Variants in LAMB1 observed in about 807,000 individuals in gnomAD.
The protein encoded by LAMB1 is laminin subunit beta-1.
A neutral mutation model predicts 222.3 loss-of-function variants in LAMB1; 121 were observed. The observed-to-expected ratio is 0.54, with a 90% CI of 0.47 to 0.63. LAMB1 has a LOEUF of 0.63. LAMB1 is among the 30% of genes least tolerant of loss of function. The pLI, the probability that LAMB1 is intolerant of heterozygous loss-of-function variation, is 0.00. For synonymous variants in LAMB1, 794 were observed against 807.2 expected, an observed-to-expected ratio of 0.98 and a Z score of 0.28; for missense variants, 2,172 against 2,240.8, an observed-to-expected ratio of 0.97 and a Z score of 0.62.
chr7:107,997,063 T>C (rs1275913668), intron 4 of LAMB1, among the ~76,000 whole-genome samples: 2 of 152,192 alleles, frequency 1.3e-5, no homozygotes, highest in African/African-American at 2.4e-5. Flanking sequence ...AACCAATGAA[T>C]TGCCAAGGCC....
intron 26 of LAMB1, among the ~76,000 whole-genome samples, chr7:107,936,725 T>C (rs1236963136): frequency 4.6e-5 from 7 of 152,196 alleles, no homozygotes; most frequent in Non-Finnish European, 8.8e-5. Context: ...AGCAGCATTC[T>C]TGAATGTGAA....
intron 5 of LAMB1, among the ~76,000 whole-genome samples, chr7:107,992,285 AC>A (rs2034200979): frequency 6.6e-6 from 1 of 152,210 alleles, no homozygotes; most frequent in African/African-American, 2.4e-5. Context: ...CTCCAGGCTA[AC>A]AAAGATTGTC....
chr7:107,966,596 C>T (rs2033642240), intron 13 of LAMB1, among the ~76,000 whole-genome samples: 1 of 152,166 alleles, frequency 6.6e-6, no homozygotes, highest in African/African-American at 2.4e-5. Context: ...TTGGCACAGT[C>T]CATGAACAAA....
chr7:107,942,787 T>C (rs1456642282), intron 24 of LAMB1: 2 of 152,240 alleles, frequency 1.3e-5, no homozygotes, highest in African/African-American at 4.8e-5. Context: ...CTAAGAGTGA[T>C]GCTTGATCGT....
chr7:107,996,124 C>G (rs2034276896), intron 4 of LAMB1, among the ~76,000 whole-genome samples: 1 of 152,192 alleles, frequency 6.6e-6, no homozygotes, highest in African/African-American at 2.4e-5. Context: ...CATCTCTCCT[C>G]TTCCAGGCTT....
At chr7:107,990,969 T>C (rs890793851) in intron 5 of LAMB1, among the ~76,000 whole-genome samples, 24 of 152,352 alleles carry the variant, frequency 1.6e-4, no homozygotes, top group African/African-American at 5.1e-4. Context: ...CCTCCCAACA[T>C]GCCCTTTATT....
chr7:107,984,838 A>C (rs1268368341), intron 7 of LAMB1, among the ~76,000 whole-genome samples: 1 of 152,234 alleles, frequency 6.6e-6, no homozygotes, highest in African/African-American at 2.4e-5. Context: ...ACTAGTCACA[A>C]ATATTATATG....
intron 31 of LAMB1, among the ~76,000 whole-genome samples, chr7:107,926,811 T>G (rs1490380860): frequency 6.6e-6 from 1 of 152,144 alleles, no homozygotes; most frequent in Non-Finnish European, 1.5e-5. Context: ...TTTCAGCTAA[T>G]TACTGAAGAC....
At chr7:107,940,647 A>T (rs2032959650) in intron 24 of LAMB1, 1 of 343,880 alleles carries the variant, frequency 2.9e-6, no homozygotes, top group South Asian at 4.7e-5. Flanking sequence ...TATAATAATC[A>T]CTATTTCACA....
In LAMB1 at chr7:107,951,161, C is replaced by T. The variant is rs1406649315; in HGVS notation, c.3391+65G>A. 4 of 1,177,888 alleles carry T rather than the reference C, an allele frequency of 3.4e-6. No homozygotes were observed. In the Admixed American group the frequency reaches 7.2e-5, roughly 21 times the overall value. The allele number at this position is 1,177,888 out of a possible 1,614,324, so 73.0% of individuals were successfully genotyped here. A position where few individuals can be genotyped will look rare whatever the true frequency, so the allele number is the denominator to read the frequency against. On this transcript the variant is annotated intron_variant, in intron 24 of 33. Transcript: ENST00000222399. ...ACTGTGTTTTATAATTTACAGAAGG[C>T]TCTTGTAGAACCCCAGTTCCCTCCA... is the stretch of plus-strand genomic sequence containing the variant.
In LAMB1 at chr7:107,953,705, T is replaced by A. The variant is rs149520909; in HGVS notation, c.2904A>T (p.Glu968Asp). 6.2e-7 allele frequency: 1 copy of A among 1,614,158 alleles called. No individual in the cohort carries two copies. The highest frequency in any genetic ancestry group is 8.5e-7 in the Non-Finnish European group (1 of 1,180,026). Residue 968 changes from glutamate to aspartate, a missense_variant, in exon 22 of 34, where the codon GAA (glutamate) becomes GAT (aspartate). Transcript: ENST00000222399. ...CASGYFGNPS[E>D]VGGSCQPCQC... ...GGCAAGGCTGACACGACCCCCCAAC[T>A]TCTGATGGATTGCCAAAGTATCCTG...
intron 20 of LAMB1, among the ~76,000 whole-genome samples, chr7:107,956,727 G>C (rs1338100624): frequency 6.6e-6 from 1 of 152,202 alleles, no homozygotes; most frequent in African/African-American, 2.4e-5. Context: ...GCTTTTCCCA[G>C]TACTGGAGCT....
At chr7:107,988,762 G>A (rs1052120697) in intron 5 of LAMB1, among the ~76,000 whole-genome samples, 1 of 152,174 alleles carries the variant, frequency 6.6e-6, no homozygotes, top group African/African-American at 2.4e-5. Context: ...ACACACACAT[G>A]CACAGAGGGA....
chr7:107,928,220 T>C (rs1562972480), intron 31 of LAMB1, among the ~76,000 whole-genome samples: 2 of 152,204 alleles, frequency 1.3e-5, no homozygotes, highest in African/African-American at 4.8e-5. Flanking sequence ...AGTATATTTC[T>C]TATAAAAAAC....
chr7:107,931,305 G>T, intron 29 of LAMB1, 51 bp downstream of exon 29: 1 of 1,489,388 alleles, frequency 6.7e-7, no homozygotes, highest in South Asian at 1.2e-5. Context: ...AATGTAAACA[G>T]AGAATCACAC....
At chr7:107,940,865 C>T (rs2032964438) in intron 24 of LAMB1, among the ~76,000 whole-genome samples, 1 of 152,220 alleles carries the variant, frequency 6.6e-6, no homozygotes, top group South Asian at 2.1e-4. Flanking sequence ...TGATAATGTG[C>T]CACCTGGCAT....
intron 8 of LAMB1, among the ~76,000 whole-genome samples, chr7:107,980,341 C>T (rs2033947776): frequency 6.6e-6 from 1 of 152,130 alleles, no homozygotes; most frequent in Non-Finnish European, 1.5e-5. Flanking sequence ...TCCTTGTTGA[C>T]TAAAATATCT....
At chr7:107,960,985 C>T (rs904365462) in intron 17 of LAMB1, among the ~76,000 whole-genome samples, 5 of 152,112 alleles carry the variant, frequency 3.3e-5, no homozygotes, top group African/African-American at 9.7e-5. Flanking sequence ...TGAGTCACTA[C>T]GCCTAGTGAA....
At chr7:107,955,269 GTTC>G (rs1202094657) in intron 21 of LAMB1, among the ~76,000 whole-genome samples, 195 bp downstream of exon 21, 11 of 152,120 alleles carry the variant, frequency 7.2e-5, no homozygotes, top group Non-Finnish European at 1.6e-4. Flanking sequence ...GTGTTATAAC[GTTC>G]TTATCAGAGA....
Sources: gnomAD v4.1 joint callset for allele counts (sites outside exome capture counted in the v4.1 genomes callset) on GRCh38, gnomAD v4.1.1 for gene constraint, MANE v1.5 for transcripts, NCBI Gene and HGNC (gene_info 2026-07-23, HGNC 2026-07-21) for gene names.